Variants in ZFP64 observed in about 807,000 individuals in gnomAD.
ZFP64 encodes the protein ZFP64 zinc finger protein.
ZFP64 carries 14 observed loss-of-function variants against 51.6 expected under a neutral mutation model. The observed-to-expected ratio is 0.27, with a 90% CI of 0.18 to 0.42. The LOEUF is 0.42. Among genes scored for constraint, ZFP64 ranks in the 10% least tolerant of loss-of-function variants. The probability of loss-of-function intolerance (pLI) is 1.00; values close to 1 mark genes in which losing one functional copy is unlikely to be tolerated. For synonymous variants in ZFP64, 375 were observed against 361.4 expected, an observed-to-expected ratio of 1.04 and a Z score of -0.43; for missense variants, 754 against 906.8, an observed-to-expected ratio of 0.83 and a Z score of 2.16.
In ZFP64 at chr20:52,191,666, CG is replaced by C; in HGVS notation, c.-31del. On this transcript the variant is annotated 5_prime_UTR_variant, in exon 1 of 6. Coordinates refer to ENST00000216923, the MANE Select transcript of ZFP64 (RefSeq NM_018197.3). The surrounding 1 kb of genome is among the most constrained non-coding windows in gnomAD (Gnocchi z 4.3). The stretch of plus-strand genomic sequence containing the variant: ...GCAGACTGGGAGGTCCCCGGCCGGC[CG>C]GGATGCCAAAGTGGGGGACGCTGAT... The C allele has an allele frequency of 6.4e-7, 1 of 1,571,538 alleles. No homozygotes were observed. The highest frequency in any genetic ancestry group is 8.6e-7 in the Non-Finnish European group (1 of 1,162,814).
At chr20:52,134,646 C>T (rs925422666) in intron 5 of ZFP64, among the ~76,000 whole-genome samples, 12 of 152,018 alleles carry the variant, frequency 7.9e-5, no homozygotes, top group African/African-American at 2.9e-4. Flanking sequence ...TTGGAACGTT[C>T]CAGGAAGGGG....
In ZFP64 at chr20:52,152,052, C is replaced by A. The variant is rs1980847861; in HGVS notation, c.*94G>T. 6 of 1,484,138 alleles carry A rather than the reference C, an allele frequency of 4.0e-6. No homozygotes were observed. In the East Asian group the frequency reaches 1.4e-4, roughly 36 times the overall value. 91.9% of individuals were successfully genotyped at this position (1,484,138 alleles called of 1,614,324 possible). On this transcript the variant is annotated 3_prime_UTR_variant, in exon 6 of 6. Transcript: ENST00000216923. ...ACTCCGTCTCAAAAACAAAACAAAACAAAGAAAACATTAAGAGCAAACCTT... is the reference window on the plus strand; with the variant it reads ...ACTCCGTCTCAAAAACAAAACAAAAAAAAGAAAACATTAAGAGCAAACCTT...
chr20:52,132,488 G>A (rs1014679517), intron 5 of ZFP64, among the ~76,000 whole-genome samples: 2 of 151,882 alleles, frequency 1.3e-5, no homozygotes, highest in Non-Finnish European at 2.9e-5. Context: ...AAAAAGGGAA[G>A]ATACAAATAA....
intron 2 of ZFP64, among the ~76,000 whole-genome samples, chr20:52,183,514 G>GCCATGTCCCTTCC (rs1287640225): frequency 6.6e-6 from 1 of 152,152 alleles, no homozygotes; most frequent in African/African-American, 2.4e-5. Flanking sequence ...TGGGACCTTG[G>GCCATGTCCCTTCC]CCATGTCCCT....
At chr20:52,149,128 C>A (rs74406041), downstream of ZFP64, among the ~76,000 whole-genome samples, 1,014 of 152,272 alleles carry the variant, frequency 6.7e-3, 6 homozygotes, top group South Asian at 0.022. Flanking sequence ...GCCAGATAAC[C>A]ATTTTCACGC....
chr20:52,116,737 T>C (rs1978894092), intron 5 of ZFP64, among the ~76,000 whole-genome samples: 1 of 152,180 alleles, frequency 6.6e-6, no homozygotes, highest in African/African-American at 2.4e-5. Context: ...TTATGCATAA[T>C]ATGTATAACA....
downstream of ZFP64, among the ~76,000 whole-genome samples, chr20:52,148,467 G>A (rs759607547): frequency 7.2e-5 from 11 of 152,206 alleles, no homozygotes; most frequent in Non-Finnish European, 1.3e-4. Flanking sequence ...CTGAAAGGCC[G>A]AGGTGGGCAG....
intron 5 of ZFP64, among the ~76,000 whole-genome samples, chr20:52,159,135 A>C (rs1373629751): frequency 6.6e-6 from 1 of 152,252 alleles, no homozygotes; most frequent in Non-Finnish European, 1.5e-5. Flanking sequence ...AGAGTTGTCC[A>C]GTCAACTTCC....
At chr20:52,103,651 T>C (rs1321912787) in intron 5 of ZFP64, among the ~76,000 whole-genome samples, 3 of 152,136 alleles carry the variant, frequency 2.0e-5, no homozygotes, top group Non-Finnish European at 2.9e-5. Context: ...AATTCTCTTC[T>C]ATAAACACCT....
At chr20:52,104,927 C>A (rs946192654) in intron 5 of ZFP64, 56 of 670,134 alleles carry the variant, frequency 8.4e-5, no homozygotes, top group Non-Finnish European at 1.3e-4. Context: ...GGAATCCAGG[C>A]GGGGAAGGGG....
chr20:52,106,347 T>G (rs1978316907), intron 5 of ZFP64, among the ~76,000 whole-genome samples: 1 of 152,180 alleles, frequency 6.6e-6, no homozygotes, highest in Non-Finnish European at 1.5e-5. Flanking sequence ...GGGAGTTACT[T>G]AAGACTGGGT....
rs1490183389 is a variant in ZFP64, at chr20:52,153,269, A to T, written c.923T>A (p.Ile308Asn). The change falls in exon 6 of 6, where the codon ATC becomes AAC. Residue 308 changes from isoleucine to asparagine, a missense_variant. Physicochemically the swap from Ile to Asn is moderately radical, Grantham distance 149. Around this residue, in one of 3 missense-constraint regions of ZFP64, gnomAD observed 231 missense variants for 336.7 expected, o/e 0.69. Coordinates refer to ENST00000216923, the MANE Select transcript of ZFP64 (RefSeq NM_018197.3). The surrounding 1 kb of genome is among the most constrained non-coding windows in gnomAD (Gnocchi z 5.1). ...CTTGAAGTTATTCCCGCTGTGCTTG[A>T]TACGGATGTGCGACTTGAGGTTCCC... ...MKGNLKSHIR[I>N]KHSGNNFKCP... 1 of 1,614,236 alleles carries T rather than the reference A, an allele frequency of 6.2e-7. No individual in the cohort carries two copies. The highest frequency in any genetic ancestry group is 8.5e-7 in the Non-Finnish European group (1 of 1,180,044).
Position 52,165,971 on chromosome 20 carries a change from T to C in ZFP64, c.341A>G (p.Glu114Gly), listed in dbSNP as rs1314040735. The C allele has an allele frequency of 1.2e-6, 2 of 1,614,072 alleles. No homozygotes were observed. Among genetic ancestry groups the C allele is most frequent in the Non-Finnish European group, 1.7e-6 (2 of 1,179,992 alleles). Residue 114 changes from glutamate to glycine, a missense_variant, in exon 3 of 6, where the codon GAA (glutamate) becomes GGA (glycine). Glu to Gly is a moderately conservative substitution (Grantham distance 98). This residue lies in a region of ZFP64 where 231 missense variants were observed against 336.7 expected (regional missense o/e 0.69). Transcript: ENST00000216923. ...EHGYQTYLPT[E>G]SNENQTATVI... The stretch of plus-strand genomic sequence containing the variant: ...AGTGGCTGTCTGGTTTTCATTACTT[T>C]CCGTGGGCAGGTAAGTTTGATAGCC...
chr20:52,137,168 TGAG>T (rs939835099), intron 5 of ZFP64, among the ~76,000 whole-genome samples: 29 of 152,354 alleles, frequency 1.9e-4, no homozygotes, highest in African/African-American at 7.0e-4. Flanking sequence ...ATTTTGTTGC[TGAG>T]AAGTATGATG....
intron 3 of ZFP64, 122 bp downstream of exon 3, chr20:52,165,742 T>C (rs1982208508): frequency 7.3e-7 from 1 of 1,365,268 alleles, no homozygotes; most frequent in Non-Finnish European, 1.0e-6. Flanking sequence ...GGGGCTCTGA[T>C]TTTTATGCCA....
chr20:52,097,704 C>A (rs2079005079), intron 6 of ZFP64, among the ~76,000 whole-genome samples: 1 of 152,096 alleles, frequency 6.6e-6, no homozygotes, highest in South Asian at 2.1e-4. Context: ...AGGTGATCTG[C>A]CCGCCCCGGC....
chr20:52,156,517 C>T (rs1217562244), intron 5 of ZFP64, among the ~76,000 whole-genome samples: 1 of 152,218 alleles, frequency 6.6e-6, no homozygotes, highest in Non-Finnish European at 1.5e-5. Flanking sequence ...AGCCCATAAC[C>T]AGCAGATCCT....
intron 5 of ZFP64, among the ~76,000 whole-genome samples, chr20:52,099,214 T>C (rs1174978721): frequency 2.0e-5 from 3 of 152,142 alleles, no homozygotes; most frequent in Non-Finnish European, 4.4e-5. Flanking sequence ...CAGGCTGATA[T>C]TTCTGTAAAA....
chr20:52,135,837 G>A (rs902427962), intron 5 of ZFP64, among the ~76,000 whole-genome samples: 7 of 151,802 alleles, frequency 4.6e-5, no homozygotes, highest in Admixed American at 3.9e-4. Context: ...GGTGGCTCAC[G>A]CCTGTAATGC....
Sources: allele counts gnomAD v4.1 joint callset (sites outside exome capture counted in the v4.1 genomes callset), GRCh38; gene constraint gnomAD v4.1.1; regional missense constraint gnomAD v4.1.1; non-coding constraint Gnocchi (gnomAD v3.1); transcripts MANE v1.5; gene names NCBI Gene and HGNC (gene_info 2026-07-23, HGNC 2026-07-21).